DCC: variants seen among roughly 807,000 people sequenced by gnomAD.
DCC encodes netrin receptor DCC.
Under a neutral mutation model 172.5 loss-of-function variants are expected in DCC, and 58 were observed. That is an observed-to-expected ratio of 0.34 (90% CI 0.27 to 0.42). DCC has a LOEUF of 0.42. Ranked by LOEUF, DCC falls within the 10% of genes least tolerant of loss-of-function variation. The pLI is 1.00. For synonymous variants in DCC, 709 were observed against 644.5 expected, an observed-to-expected ratio of 1.10 and a Z score of -1.52; for missense variants, 1,740 against 1,791.0, an observed-to-expected ratio of 0.97 and a Z score of 0.51.
intron 1 of DCC, among the ~76,000 whole-genome samples, chr18:52,701,085 G>A (rs1361675705): frequency 2.0e-5 from 3 of 152,130 alleles, no homozygotes; most frequent in Non-Finnish European, 2.9e-5. Context: ...GCAACATATG[G>A]TGACTTCTGA....
At chr18:52,349,625 T>C (rs927291466) in intron 1 of DCC, among the ~76,000 whole-genome samples, 9 of 152,172 alleles carry the variant, frequency 5.9e-5, no homozygotes, top group African/African-American at 2.2e-4. Flanking sequence ...TTACAATTCA[T>C]CTGAGATAGT....
chr18:52,839,447 G>A (rs1304323489), intron 2 of DCC, among the ~76,000 whole-genome samples: 13 of 152,090 alleles, frequency 8.5e-5, no homozygotes, highest in African/African-American at 2.9e-4. Flanking sequence ...GCAGTGACGC[G>A]TCAAGTCATC....
At chr18:52,529,930 G>A (rs866108330) in intron 1 of DCC, among the ~76,000 whole-genome samples, 1 of 152,008 alleles carries the variant, frequency 6.6e-6, no homozygotes, top group Non-Finnish European at 1.5e-5. Flanking sequence ...AAGTACCATG[G>A]TTAAGTCTTC....
At chr18:52,787,433 T>TGACA (rs199624929) in intron 2 of DCC, among the ~76,000 whole-genome samples, 6,537 of 151,706 alleles carry the variant, frequency 0.043, 213 homozygotes, top group South Asian at 0.16. Context: ...AAAACATGAC[T>TGACA]AAGAAGTTTA....
chr18:52,851,827 G>T (rs778007715), intron 2 of DCC, among the ~76,000 whole-genome samples: 4 of 152,070 alleles, frequency 2.6e-5, no homozygotes, highest in Non-Finnish European at 5.9e-5. Flanking sequence ...TTATGGACAA[G>T]GATATGGGAA....
rs578222669 is a variant in DCC at position 53,023,043 on chromosome 18, A to G, written c.986-40262A>G. Among the ~76,000 whole-genome samples the G allele has an allele frequency of 2.6e-5, 4 of 152,126 alleles. No homozygotes were observed. In the East Asian group the frequency reaches 7.7e-4, roughly 29 times the overall value. On this transcript the variant is annotated intron_variant, in intron 5 of 28. Transcript: ENST00000442544. ...GAAGGCTGGTTGTTAAAAACTTATCAACATGCTGCTATGTAATCCCTACAT... is the reference window on the plus strand; with the variant it reads ...GAAGGCTGGTTGTTAAAAACTTATCGACATGCTGCTATGTAATCCCTACAT...
intron 5 of DCC, among the ~76,000 whole-genome samples, chr18:53,001,556 G>C (rs1207989538): frequency 6.6e-6 from 1 of 151,986 alleles, no homozygotes; most frequent in Non-Finnish European, 1.5e-5. Context: ...TTTTCTCTTG[G>C]ATAACTTTCT....
chr18:52,703,180 C>T (rs2036153928), intron 1 of DCC, among the ~76,000 whole-genome samples: 1 of 152,138 alleles, frequency 6.6e-6, no homozygotes. Flanking sequence ...TTGAATATCT[C>T]TTTCCTTCCC....
intron 12 of DCC, among the ~76,000 whole-genome samples, chr18:53,226,456 T>G (rs970606276): frequency 6.6e-6 from 1 of 152,128 alleles, no homozygotes; most frequent in Non-Finnish European, 1.5e-5. Context: ...TATGTATTTC[T>G]CCCCATGGGA....
At chr18:53,074,558 A>G (rs569820440) in intron 7 of DCC, among the ~76,000 whole-genome samples, 2 of 152,218 alleles carry the variant, frequency 1.3e-5, no homozygotes, top group Non-Finnish European at 2.9e-5. Flanking sequence ...CATTTATTCA[A>G]TAAATTGTAA....
intron 2 of DCC, among the ~76,000 whole-genome samples, chr18:52,863,835 G>A (rs2039180670): frequency 3.3e-5 from 5 of 151,856 alleles, no homozygotes; most frequent in Admixed American, 3.3e-4. Flanking sequence ...TGTTAGGCAA[G>A]TATCATAAAA....
In DCC at chr18:53,486,764, T is replaced by C. The variant is rs764502723; in HGVS notation, c.3737-33T>C. 2.5e-6 allele frequency: 4 copies of C among 1,613,984 alleles called. No individual in the cohort carries two copies. The South Asian group carries it at 3.3e-5, about 13-fold the overall frequency. On this transcript the variant is annotated intron_variant, in intron 25 of 28. Coordinates refer to ENST00000442544, the MANE Select transcript of DCC (RefSeq NM_005215.4). ...TTGCTTGTTGAGTGAATACATAAGG[T>C]TCAAAAAACCCATTAACCTTTTTCT...
At chr18:52,653,861 G>A (rs2035192550) in intron 1 of DCC, among the ~76,000 whole-genome samples, 1 of 152,070 alleles carries the variant, frequency 6.6e-6, no homozygotes, top group South Asian at 2.1e-4. Flanking sequence ...TGGACCATAT[G>A]CAGTAGTGAG....
At chr18:52,458,869 T>C (rs1275414430) in intron 1 of DCC, among the ~76,000 whole-genome samples, 1 of 152,174 alleles carries the variant, frequency 6.6e-6, no homozygotes, top group Non-Finnish European at 1.5e-5. Flanking sequence ...GGAGGAGAGT[T>C]AAAAAATAAA....
chr18:53,300,806 C>T (rs1351578777), intron 12 of DCC, among the ~76,000 whole-genome samples: 1 of 151,946 alleles, frequency 6.6e-6, no homozygotes, highest in African/African-American at 2.4e-5. Flanking sequence ...CTCAGAGAAA[C>T]TTATCTGCAG....
intron 25 of DCC, among the ~76,000 whole-genome samples, chr18:53,469,547 A>G (rs921583960): frequency 6.6e-5 from 10 of 152,154 alleles, no homozygotes; most frequent in Non-Finnish European, 1.3e-4. Flanking sequence ...TTGTCCTTCC[A>G]TCAAATCTAA....
chr18:52,404,903 A>G (rs1373616718), intron 1 of DCC, among the ~76,000 whole-genome samples: 1 of 148,600 alleles, frequency 6.7e-6, no homozygotes, highest in Non-Finnish European at 1.5e-5. Flanking sequence ...ATGAGTGAGA[A>G]TATGCGGTGT....
chr18:53,341,141 G>A (rs570250163), intron 15 of DCC, among the ~76,000 whole-genome samples: 3 of 152,256 alleles, frequency 2.0e-5, no homozygotes, highest in African/African-American at 7.2e-5. Context: ...TCAAGCCTAT[G>A]TCAAGGGACT....
At chr18:52,711,739 AG>A (rs1187607835) in intron 1 of DCC, among the ~76,000 whole-genome samples, 1 of 152,184 alleles carries the variant, frequency 6.6e-6, no homozygotes, top group Non-Finnish European at 1.5e-5. Flanking sequence ...CAGTAAAAAT[AG>A]GCATGGGGAA....
Sources: allele counts gnomAD v4.1 joint callset (sites outside exome capture counted in the v4.1 genomes callset), GRCh38; gene constraint gnomAD v4.1.1; transcripts MANE v1.5; gene names NCBI Gene and HGNC (gene_info 2026-07-23, HGNC 2026-07-21).